SYN2: variants seen among roughly 807,000 people sequenced by gnomAD.
SYN2 encodes synapsin II.
Under a neutral mutation model 50.9 loss-of-function variants are expected in SYN2, and 19 were observed. That is an observed-to-expected ratio of 0.37 (90% CI 0.26 to 0.55). The LOEUF is 0.55. SYN2 is among the 20% of genes least tolerant of loss of function. The pLI is 0.81. For synonymous variants in SYN2, 255 were observed against 224.9 expected (o/e 1.13, Z -1.20); for missense variants, 587 against 576.4 (o/e 1.02, Z -0.19).
chr3:12,181,052 A>G (rs1014911385), intron 10 of SYN2, among the ~76,000 whole-genome samples: 8 of 152,364 alleles, frequency 5.3e-5, no homozygotes, highest in South Asian at 4.1e-4. Context: ...ACTACCCACT[A>G]TGTGAACACA....
At chr3:12,104,679 C>T (rs1559421541) in intron 1 of SYN2, among the ~76,000 whole-genome samples, 1 of 132,366 alleles carries the variant, frequency 7.6e-6, no homozygotes, top group Non-Finnish European at 1.5e-5. Flanking sequence ...CTGAGTGATT[C>T]TCCTGCCTCA....
chr3:12,104,523 A>G (rs1019746881), intron 1 of SYN2, among the ~76,000 whole-genome samples: 16 of 151,380 alleles, frequency 1.1e-4, no homozygotes, highest in African/African-American at 3.6e-4. Flanking sequence ...ACAATTAGAG[A>G]ACATACCTCC....
chr3:12,149,059 G>A (rs1697218795), intron 4 of SYN2, among the ~76,000 whole-genome samples: 1 of 152,170 alleles, frequency 6.6e-6, no homozygotes, highest in African/African-American at 2.4e-5. Flanking sequence ...AGAGGAGGGT[G>A]GGGTGAGCTC....
In SYN2 at chr3:12,050,711, CTTTTTTTTTTTTTTTTTTT is replaced by C. The variant is rs57099569; in HGVS notation, c.377+45800_377+45818del. Among the ~76,000 whole-genome samples the C allele has an allele frequency of 1.0e-3, 52 of 50,580 alleles. 1 individual carries two copies. In the East Asian group the frequency reaches 0.022, roughly 21 times the overall value. 33.2% of individuals were successfully genotyped at this position (50,580 alleles called of 152,430 possible). The stretch of plus-strand genomic sequence containing the variant: ...AATAATCTCATCTTTCTTCTCTTCT[CTTTTTTTTTTTTTTTTTTT>C]TTTTTTTTTTTTTTTTGAGACGGAG... On this transcript the variant is annotated intron_variant, in intron 1 of 12. Coordinates refer to ENST00000621198, the MANE Select transcript of SYN2 (RefSeq NM_133625.6).
intron 1 of SYN2, among the ~76,000 whole-genome samples, chr3:12,061,287 G>A (rs1371913064): frequency 6.6e-6 from 1 of 152,068 alleles, no homozygotes; most frequent in African/African-American, 2.4e-5. Context: ...AAGAACAGAA[G>A]AAATATATGG....
At chr3:12,156,049 C>A (rs1574866582) in intron 5 of SYN2, among the ~76,000 whole-genome samples, 2 of 152,192 alleles carry the variant, frequency 1.3e-5, no homozygotes, top group East Asian at 3.8e-4. Context: ...AAGGACTGTG[C>A]CTTGTTACTG....
intron 1 of SYN2, among the ~76,000 whole-genome samples, chr3:12,005,318 G>A (rs1041594174): frequency 2.0e-5 from 3 of 152,128 alleles, no homozygotes; most frequent in African/African-American, 7.2e-5. Context: ...AACATTTAGG[G>A]CCAGTAAAAA....
intron 3 of SYN2, among the ~76,000 whole-genome samples, chr3:12,143,185 G>T (rs1231855956): frequency 1.3e-5 from 2 of 152,182 alleles, no homozygotes; most frequent in Non-Finnish European, 2.9e-5. Context: ...TGTAACTGGG[G>T]TGCAGGATTG....
At chr3:12,082,051 A>G (rs1333537799) in intron 1 of SYN2, among the ~76,000 whole-genome samples, 3 of 152,326 alleles carry the variant, frequency 2.0e-5, no homozygotes, top group East Asian at 1.9e-4. Context: ...GGGAACACCC[A>G]GGGCTCAGCA....
Position 12,004,933 on chromosome 3 carries a change from G to A in SYN2, c.377+5G>A. ...CGACGAGCCGCACGCCGACTGGTAG[G>A]TGCCGGGCGCCGCCGCCCTCGGGGG... On this transcript the variant is annotated splice_donor_5th_base_variant and intron_variant, in intron 1 of 12. Transcript: ENST00000621198. 1.8e-6 allele frequency: 1 copy of A among 542,800 alleles called. No homozygotes were observed. Among genetic ancestry groups the A allele is most frequent in the Non-Finnish European group, 3.2e-6 (1 of 308,700 alleles). The allele number at this position is 542,800 out of a possible 1,614,324, so 33.6% of individuals were successfully genotyped here.
Position 12,151,286 on chromosome 3 carries a change from C to T in SYN2, c.734C>T (p.Pro245Leu). The change falls in exon 5 of 13, where the codon CCT becomes CTT. Residue 245 changes from proline to leucine, a missense_variant. Physicochemically the swap from Pro to Leu is moderately conservative, Grantham distance 98. Coordinates refer to ENST00000621198, the MANE Select transcript of SYN2 (RefSeq NM_133625.6). ...IYKTLGGEKF[P>L]LIEQTYYPNH... ...AAGACACTGGGAGGAGAAAAGTTCC[C>T]TCTCATTGAACAGACATACTACCCC... 1.1e-5 allele frequency: 17 copies of T among 1,613,524 alleles called. No homozygotes were observed. Among genetic ancestry groups the T allele is most frequent in the Non-Finnish European group, 1.4e-5 (17 of 1,179,764 alleles).
intron 1 of SYN2, among the ~76,000 whole-genome samples, chr3:12,013,218 C>G (rs777785050): frequency 1.3e-5 from 2 of 152,206 alleles, no homozygotes; most frequent in Non-Finnish European, 2.9e-5. Context: ...ATCCTCCTGC[C>G]TCAGCCTCCC....
chr3:12,084,690 A>C (rs2125176964), intron 1 of SYN2, among the ~76,000 whole-genome samples: 1 of 152,332 alleles, frequency 6.6e-6, no homozygotes, highest in East Asian at 1.9e-4. Context: ...TTGAAATATT[A>C]TATAGCTGCA....
chr3:12,015,133 CT>C (rs1384176571), intron 1 of SYN2, among the ~76,000 whole-genome samples: 3 of 152,194 alleles, frequency 2.0e-5, no homozygotes, highest in African/African-American at 7.2e-5. Context: ...CTTGTGCTTC[CT>C]GAAAGGCTTT....
intron 8 of SYN2, 48 bp downstream of exon 8, chr3:12,167,356 T>C (rs773858839): frequency 3.9e-6 from 6 of 1,555,448 alleles, no homozygotes; most frequent in Non-Finnish European, 3.5e-6. Flanking sequence ...AGAGGGAGGC[T>C]TCCTTAGATG....
chr3:12,008,788 A>G (rs1014504364), intron 1 of SYN2, among the ~76,000 whole-genome samples: 2 of 152,346 alleles, frequency 1.3e-5, no homozygotes, highest in Non-Finnish European at 2.9e-5. Flanking sequence ...TCTCGGAACA[A>G]GTGAGGTTTT....
chr3:12,137,709 T>G (rs993467933), intron 1 of SYN2, among the ~76,000 whole-genome samples: 1 of 152,138 alleles, frequency 6.6e-6, no homozygotes, highest in Non-Finnish European at 1.5e-5. Flanking sequence ...AAAACAAAAG[T>G]TTAAAAAAAT....
chr3:12,161,453 C>T, intron 5 of SYN2, 93 bp from the exon 6 acceptor site: 1 of 1,419,972 alleles, frequency 7.0e-7, no homozygotes, highest in Non-Finnish European at 9.8e-7. Context: ...TTTAAAGAAC[C>T]CTCCCAAGGG....
chr3:12,184,489 G>T, intron 11 of SYN2: 1 of 985,888 alleles, frequency 1.0e-6, no homozygotes, highest in South Asian at 4.7e-5. Context: ...CATAATGGGA[G>T]ACCAAATCAA....
Sources: gnomAD v4.1 joint callset for allele counts (sites outside exome capture counted in the v4.1 genomes callset) on GRCh38, gnomAD v4.1.1 for gene constraint, MANE v1.5 for transcripts, NCBI Gene and HGNC (gene_info 2026-07-23, HGNC 2026-07-21) for gene names.